The following CNTN4 variants were observed in gnomAD, a reference collection of about 807,000 sequenced individuals.
The protein encoded by CNTN4 is contactin-4.
Under a neutral mutation model 122.5 loss-of-function variants are expected in CNTN4, and 77 were observed. The ratio of observed to expected loss-of-function variants is 0.63; its 90% confidence interval spans 0.52 to 0.76. CNTN4 has a LOEUF of 0.76. CNTN4 is among the 30% of genes least tolerant of loss of function. The pLI, the probability that CNTN4 is intolerant of heterozygous loss-of-function variation, is 0.00. For missense variants in CNTN4, 1,256 were observed against 1,259.1 expected (o/e 1.00, Z 0.04); for synonymous variants, 512 against 447.0 (o/e 1.15, Z -1.83).
chr3:2,376,474 G>T (rs2045820152), intron 3 of CNTN4, among the ~76,000 whole-genome samples: 1 of 152,112 alleles, frequency 6.6e-6, no homozygotes, highest in Non-Finnish European at 1.5e-5. Context: ...AATTCACAGA[G>T]GCGGTAATAT....
intron 3 of CNTN4, among the ~76,000 whole-genome samples, chr3:2,514,063 G>A (rs2076969750): frequency 6.6e-6 from 1 of 152,158 alleles, no homozygotes; most frequent in African/African-American, 2.4e-5. Context: ...TTCCTAGAAA[G>A]CCCTGGGGTT....
intron 3 of CNTN4, among the ~76,000 whole-genome samples, chr3:2,438,801 G>A (rs1003717121): frequency 2.6e-5 from 4 of 152,134 alleles, no homozygotes; most frequent in African/African-American, 9.7e-5. Context: ...GTTCTCAAGT[G>A]GGCAATGAGT....
chr3:2,328,897 C>G (rs542280052), intron 2 of CNTN4, among the ~76,000 whole-genome samples: 1 of 152,194 alleles, frequency 6.6e-6, no homozygotes, highest in East Asian at 1.9e-4. Flanking sequence ...CTGCATTCTC[C>G]AAATCCTGGG....
At chr3:2,191,909 C>A (rs202078125) in intron 2 of CNTN4, among the ~76,000 whole-genome samples, 1 of 151,564 alleles carries the variant, frequency 6.6e-6, no homozygotes, top group Admixed American at 6.6e-5. Context: ...GCCCCAGTGT[C>A]TGATGTTCCC....
rs1208953516 is a variant in CNTN4, at chr3:2,819,488, C to G, written c.361C>G (p.Leu121Val). The G allele has an allele frequency of 4.3e-6, 7 of 1,612,922 alleles. No individual in the cohort carries two copies. Among genetic ancestry groups the G allele is most frequent in the Non-Finnish European group, 5.9e-6 (7 of 1,178,894 alleles). ...SREAKLQFAY[L>V]DNFKTRTRST... is the part of the protein sequence containing the mutation. ...TTTTCCCATATTTCTCCCAACAGAT[C>G]TTGACAACTTTAAAACAAGAACAAG... Residue 121 changes from leucine (L) to valine (V), a missense_variant and splice_region_variant, in exon 7 of 25, where the codon CTT becomes GTT. Leu to Val is a conservative substitution (Grantham distance 32). Coordinates refer to ENST00000418658, the MANE Select transcript of CNTN4 (RefSeq NM_175607.3).
intron 3 of CNTN4, among the ~76,000 whole-genome samples, chr3:2,506,682 T>C (rs969718870): frequency 2.0e-5 from 3 of 152,172 alleles, no homozygotes; most frequent in Non-Finnish European, 4.4e-5. Context: ...AGAATCCTGA[T>C]AGAGGAACAT....
chr3:3,040,667 C>A (rs1438210567), intron 20 of CNTN4, among the ~76,000 whole-genome samples: 1 of 152,192 alleles, frequency 6.6e-6, no homozygotes, highest in Non-Finnish European at 1.5e-5. Flanking sequence ...TGGCTCACAC[C>A]TGTAATCCCA....
At chr3:2,726,132 T>C (rs79864786) in intron 4 of CNTN4, among the ~76,000 whole-genome samples, 3,084 of 152,234 alleles carry the variant, frequency 0.02, 54 homozygotes, top group Middle Eastern at 0.071. Flanking sequence ...TCATTCTCTT[T>C]TTAGGTTCTC....
chr3:2,210,255 G>A (rs2038553556), intron 2 of CNTN4, among the ~76,000 whole-genome samples: 1 of 152,136 alleles, frequency 6.6e-6, no homozygotes, highest in Non-Finnish European at 1.5e-5. Flanking sequence ...CACAAGCCAT[G>A]ATTACATGGA....
chr3:2,207,417 G>A (rs985862892), intron 2 of CNTN4, among the ~76,000 whole-genome samples: 5 of 152,042 alleles, frequency 3.3e-5, no homozygotes, highest in Admixed American at 6.6e-5. Context: ...GAAAACAAGG[G>A]AAAAGTTCTT....
intron 2 of CNTN4, among the ~76,000 whole-genome samples, chr3:2,258,055 T>A (rs944590386): frequency 2.0e-5 from 3 of 152,066 alleles, no homozygotes; most frequent in Non-Finnish European, 4.4e-5. Context: ...AGAATGAGAC[T>A]CCATCTCAAA....
intron 2 of CNTN4, among the ~76,000 whole-genome samples, chr3:2,125,245 T>G (rs1038701226): frequency 2.0e-5 from 3 of 152,112 alleles, no homozygotes; most frequent in African/African-American, 7.2e-5. Context: ...CTTATTTCAC[T>G]TAGCATACTG....
At chr3:2,364,655 G>C (rs1023189147) in intron 3 of CNTN4, among the ~76,000 whole-genome samples, 1 of 151,910 alleles carries the variant, frequency 6.6e-6, no homozygotes, top group Non-Finnish European at 1.5e-5. Flanking sequence ...AAAGTCAATG[G>C]ATACTTTATT....
rs73110960 is a variant in CNTN4, at chr3:2,858,980, A to G, written c.455-7772A>G. Among the ~76,000 whole-genome samples, 1,344 of 152,312 alleles carry G rather than the reference A, an allele frequency of 8.8e-3. 18 individuals carry two copies. Among genetic ancestry groups the G allele is most frequent in the African/African-American group, 0.03 (1,242 of 41,560 alleles). Reference sequence around the variant, plus strand: ...TACATTATTAGTAACTATACTCACCATGTTGTACAATAGCTCTCTTGAACT... The same window carrying G: ...TACATTATTAGTAACTATACTCACCGTGTTGTACAATAGCTCTCTTGAACT... On this transcript the variant is annotated intron_variant, in intron 7 of 24. Transcript: ENST00000418658.
At chr3:2,204,476 G>T (rs2038246324) in intron 2 of CNTN4, among the ~76,000 whole-genome samples, 1 of 152,000 alleles carries the variant, frequency 6.6e-6, no homozygotes, top group Non-Finnish European at 1.5e-5. Context: ...TTGAAGTTTT[G>T]CACTTTTGTG....
chr3:2,776,254 T>A (rs996044907), intron 6 of CNTN4, among the ~76,000 whole-genome samples: 1 of 139,452 alleles, frequency 7.2e-6, no homozygotes, highest in Non-Finnish European at 1.5e-5. Context: ...TAACAGCAAT[T>A]TGATTGGTTA....
At chr3:2,799,329 C>CT in intron 6 of CNTN4, among the ~76,000 whole-genome samples, 1 of 152,212 alleles carries the variant, frequency 6.6e-6, no homozygotes, top group East Asian at 1.9e-4. Context: ...TGTGCAGAAA[C>CT]TTTTAAATTA....
chr3:2,866,528 G>T, intron 7 of CNTN4: 2 of 1,325,142 alleles, frequency 1.5e-6, no homozygotes, highest in Non-Finnish European at 2.0e-6. Context: ...TCAGCTATCA[G>T]TGTATCTTTT....
chr3:2,762,834 A>C (rs936393350), intron 6 of CNTN4, among the ~76,000 whole-genome samples: 1 of 149,970 alleles, frequency 6.7e-6, no homozygotes, highest in African/African-American at 2.5e-5. Context: ...CCTTGCCAGC[A>C]TCTGTTATTT....
Sources: allele counts gnomAD v4.1 joint callset (sites outside exome capture counted in the v4.1 genomes callset), GRCh38; gene constraint gnomAD v4.1.1; transcripts MANE v1.5; gene names NCBI Gene and HGNC (gene_info 2026-07-23, HGNC 2026-07-21).